CHCHD7: variants seen among roughly 807,000 people sequenced by gnomAD.
CHCHD7 encodes coiled-coil-helix-coiled-coil-helix domain containing 7.
CHCHD7 carries 7 observed loss-of-function variants against 10.5 expected under a neutral mutation model. The ratio of observed to expected loss-of-function variants is 0.67; its 90% CI spans 0.38 to 1.25. The LOEUF is 1.25. Among genes scored for constraint, CHCHD7 ranks in the 50% most tolerant of loss-of-function variants. The pLI is 0.02. For synonymous variants in CHCHD7, 40 were observed against 36.0 expected (o/e 1.11, Z -0.40); for missense variants, 100 against 104.5 (o/e 0.96, Z 0.19).
chr8:56,213,454 C>T (rs1167172434), intron 1 of CHCHD7: 1 of 151,708 alleles, frequency 6.6e-6, no homozygotes, highest in South Asian at 2.1e-4. Flanking sequence ...TGCAGTGGCG[C>T]GATCTCGGCT....
At chr8:56,213,079 A>T in intron 1 of CHCHD7, 1 of 434,576 alleles carries the variant, frequency 2.3e-6, no homozygotes, top group Non-Finnish European at 4.1e-6. Flanking sequence ...GGTGTAAAAA[A>T]GAAAGCTGTG....
chr8:56,215,262 A>G (rs1445029433), intron 2 of CHCHD7: 3 of 152,444 alleles, frequency 2.0e-5, no homozygotes, highest in Non-Finnish European at 4.4e-5. Flanking sequence ...TTCCAAATAT[A>G]TACATTCATT....
chr8:56,216,322 A>G (rs533998225), intron 2 of CHCHD7, 111 bp from the exon 3 acceptor site: 803 of 1,499,830 alleles, frequency 5.4e-4, no homozygotes, highest in Non-Finnish European at 6.9e-4. Context: ...AATGAACACA[A>G]ATGAACTATT....
Position 56,216,528 on chromosome 8 carries a change from C to T in CHCHD7, c.150C>T (p.Phe50=), listed in dbSNP as rs1228162803. 2 of 1,614,146 alleles carry T rather than the reference C, an allele frequency of 1.2e-6. No individual in the cohort carries two copies. The highest frequency in any genetic ancestry group is 1.1e-5 in the South Asian group (1 of 91,068). The change falls in exon 3 of 4, where the codon TTC becomes TTT. Residue 50 remains phenylalanine, a synonymous_variant. Transcript: ENST00000355315. The part of the protein sequence containing the change: ...YFLRYKNCRR[F]WNSIVMQRRK... ...TGAGGTACAAAAACTGCCGGAGATT[C>T]TGGGTAAGCCTAGATTGGTTAGCTT...
At position 56,216,471 on chromosome 8, in the gene CHCHD7, C is replaced by G; in HGVS notation, c.93C>G (p.Asn31Lys). 6.2e-7 allele frequency: 1 copy of G among 1,614,100 alleles called. No individual in the cohort carries two copies. Among genetic ancestry groups the G allele is most frequent in the South Asian group, 1.1e-5 (1 of 91,082 alleles). The change falls in exon 3 of 4, where the codon AAC becomes AAG. Residue 31 changes from asparagine (N) to lysine (K), a missense_variant. Coordinates refer to ENST00000355315, the MANE Select transcript of CHCHD7 (RefSeq NM_001011671.3). ...DASTRCLDEN[N>K]YDRERCSTYF... Reference sequence around the variant, plus strand: ...CCACCAGATGTCTGGATGAAAATAACTATGACAGGGAAAGGTGTTCCACTT... The same window carrying G: ...CCACCAGATGTCTGGATGAAAATAAGTATGACAGGGAAAGGTGTTCCACTT...
chr8:56,216,121 C>T lies in CHCHD7; in HGVS notation c.55-312C>T, dbSNP rs145052372. ...CTAGTTGTGCAGTAGTCATTTAACA[C>T]ATTGCACCTTGCCTCAGTTTCTTAC... On this transcript the variant is annotated intron_variant, in intron 2 of 3. Coordinates refer to ENST00000355315, the MANE Select transcript of CHCHD7 (RefSeq NM_001011671.3). Among the ~76,000 whole-genome samples, 45 of 152,312 alleles carry T rather than the reference C, an allele frequency of 3.0e-4. No homozygotes were observed. In the East Asian group the frequency reaches 7.1e-3, roughly 24 times the overall value.
At chr8:56,214,533 T>C (rs1813224775) in intron 1 of CHCHD7, 65 bp from the exon 2 acceptor site, 3 of 1,204,658 alleles carry the variant, frequency 2.5e-6, no homozygotes, top group Admixed American at 1.8e-5. Context: ...TTTAGTGCTA[T>C]TGAGATGTAT....
chr8:56,213,114 CTT>C (rs1301391883), intron 1 of CHCHD7: 7 of 385,124 alleles, frequency 1.8e-5, no homozygotes, highest in African/African-American at 1.2e-4. Context: ...CATCATCTCT[CTT>C]AGGAAGAAGG....
intron 1 of CHCHD7, chr8:56,213,826 T>A (rs188610022): frequency 6.6e-6 from 1 of 152,354 alleles, no homozygotes; most frequent in East Asian, 1.9e-4. Flanking sequence ...AACTAAGCAA[T>A]AACTTGGCTT....
In CHCHD7 at chr8:56,217,323, G is replaced by A. The variant is rs905392184; in HGVS notation, c.154-8G>A. The A allele has an allele frequency of 7.7e-6, 12 of 1,565,628 alleles. No individual in the cohort carries two copies. Among genetic ancestry groups the A allele is most frequent in the Non-Finnish European group, 9.7e-6 (11 of 1,137,350 alleles). ...TTTCTTCTTTTTTATTTTAATGCCT[G>A]TACACAGAATTCTATCGTGATGCAG... On this transcript the variant is annotated splice_polypyrimidine_tract_variant and splice_region_variant and intron_variant, in intron 3 of 3. Transcript: ENST00000355315.
intron 3 of CHCHD7, chr8:56,216,888 C>G (rs748827383): frequency 5.7e-6 from 3 of 522,156 alleles, no homozygotes; most frequent in African/African-American, 1.9e-5. Context: ...CAATTTCTGC[C>G]TTTTTCTCTC....
Position 56,217,639 on chromosome 8 carries a change from G to A in CHCHD7, c.*204G>A. 1 of 438,682 alleles carries A rather than the reference G, an allele frequency of 2.3e-6. No individual in the cohort carries two copies. Among genetic ancestry groups the A allele is most frequent in the Non-Finnish European group, 4.1e-6 (1 of 243,508 alleles). The allele number at this position is 438,682 out of a possible 1,614,324, so 27.2% of individuals were successfully genotyped here. On this transcript the variant is annotated 3_prime_UTR_variant, in exon 4 of 4. Coordinates refer to ENST00000355315, the MANE Select transcript of CHCHD7 (RefSeq NM_001011671.3). ...GTTGCTGTTGGCTGTGTTGTGGCATGAGTTTGCATGACTTTCTGGAGGCAT... is the reference window on the plus strand; with the variant it reads ...GTTGCTGTTGGCTGTGTTGTGGCATAAGTTTGCATGACTTTCTGGAGGCAT...
In CHCHD7 at chr8:56,217,457, A is replaced by G. The variant is rs202218301; in HGVS notation, c.*22A>G. 1.3e-3 allele frequency: 1,711 copies of G among 1,339,362 alleles called. 14 individuals are homozygous for G. The highest frequency in any genetic ancestry group is 3.6e-3 in the Middle Eastern group (20 of 5,536). 83.0% of individuals were successfully genotyped at this position (1,339,362 alleles called of 1,614,324 possible). On this transcript the variant is annotated 3_prime_UTR_variant, in exon 4 of 4. Transcript: ENST00000355315. ...TTGAATGTTTGCATTAAAAGTGTTT[A>G]TATAACTTAGAAGCAGATGAATATT...
chr8:56,216,840 GT>G, intron 3 of CHCHD7: 1 of 647,646 alleles, frequency 1.5e-6, no homozygotes, highest in Non-Finnish European at 2.8e-6. Context: ...TGAACAGAAT[GT>G]TTAACTTCCC....
At position 56,217,408 on chromosome 8, in the gene CHCHD7, G is replaced by C; in HGVS notation, c.231G>C (p.Leu77Phe). 6.2e-7 allele frequency: 1 copy of C among 1,606,784 alleles called. No individual in the cohort carries two copies. The highest frequency in any genetic ancestry group is 1.1e-5 in the South Asian group (1 of 90,906). The change falls in exon 4 of 4, where the codon TTG (leucine) becomes TTC (phenylalanine). Residue 77 changes from leucine (L) to phenylalanine (F), a missense_variant. Leu to Phe is a conservative substitution (Grantham distance 22, BLOSUM62 0). Coordinates refer to ENST00000355315, the MANE Select transcript of CHCHD7 (RefSeq NM_001011671.3). Reference protein sequence around the residue: ...MPTAAERDEILRAVGNMPY With the variant: ...MPTAAERDEIFRAVGNMPY ...CGGCAGCAGAAAGAGATGAAATCTT[G>C]AGAGCAGTGGGAAATATGCCCTATT...
At chr8:56,213,077 AAAG>A (rs2129239541) in intron 1 of CHCHD7, 1 of 435,468 alleles carries the variant, frequency 2.3e-6, no homozygotes, top group South Asian at 6.3e-5. Flanking sequence ...TAGGTGTAAA[AAAG>A]AAAGCTGTGA....
chr8:56,212,575 T>G, intron 1 of CHCHD7: 1 of 363,458 alleles, frequency 2.8e-6, no homozygotes, highest in Non-Finnish European at 5.0e-6. Context: ...GTGCTATGGT[T>G]TTGTGGCCCC....
intron 2 of CHCHD7, chr8:56,215,166 G>A (rs1250337836): frequency 1.3e-5 from 2 of 153,418 alleles, no homozygotes; most frequent in Non-Finnish European, 1.5e-5. Context: ...TATGATTTGC[G>A]ATACTTACTT....
chr8:56,216,760 T>C lies in CHCHD7; in HGVS notation c.153+229T>C, dbSNP rs148924339. On this transcript the variant is annotated intron_variant, in intron 3 of 3. Transcript: ENST00000355315. ...AGAATGCAGTTTTAATATAGGTGGGTCTTCTTAGACATTTAAGTATCTGCA... is the reference window on the plus strand; with the variant it reads ...AGAATGCAGTTTTAATATAGGTGGGCCTTCTTAGACATTTAAGTATCTGCA... 409 of 701,944 alleles carry C rather than the reference T, an allele frequency of 5.8e-4. 5 individuals carry two copies. In the East Asian group the frequency reaches 0.011, roughly 18 times the overall value. 43.5% of individuals were successfully genotyped at this position (701,944 alleles called of 1,614,324 possible). A position where few individuals can be genotyped will look rare whatever the true frequency, so the allele number is the denominator to read the frequency against.
Sources: gnomAD v4.1 joint callset for allele counts (sites outside exome capture counted in the v4.1 genomes callset) on GRCh38, gnomAD v4.1.1 for gene constraint, MANE v1.5 for transcripts, NCBI Gene and HGNC (gene_info 2026-07-23, HGNC 2026-07-21) for gene names.